Variants in WNT9B observed in about 807,000 individuals in gnomAD.
WNT9B encodes the protein protein Wnt-9b.
WNT9B carries 12 observed loss-of-function variants against 30.2 expected under a neutral mutation model. That is an observed-to-expected ratio of 0.40 (90% CI 0.26 to 0.64). The LOEUF is 0.64. WNT9B is among the 30% of genes least tolerant of loss of function. The pLI is 0.42. For missense variants in WNT9B, 442 were observed against 485.2 expected (o/e 0.91, Z 0.84); for synonymous variants, 218 against 216.9 (o/e 1.01, Z -0.05).
chr17:46,846,536 A>G (rs2084777970), intron 1 of WNT9B, among the ~76,000 whole-genome samples: 2 of 152,368 alleles, frequency 1.3e-5, no homozygotes, highest in Non-Finnish European at 2.9e-5. Context: ...AAGGTTGTAG[A>G]ACCAATGTGG....
chr17:46,871,431 A>G (rs971165451), intron 1 of WNT9B, among the ~76,000 whole-genome samples: 9 of 152,194 alleles, frequency 5.9e-5, no homozygotes, highest in Non-Finnish European at 1.3e-4. Context: ...CTGTTGTATG[A>G]CCAGTCCAGT....
At chr17:46,834,090 G>T (rs1450866736) in intron 1 of WNT9B, among the ~76,000 whole-genome samples, 1 of 152,192 alleles carries the variant, frequency 6.6e-6, no homozygotes, top group Non-Finnish European at 1.5e-5. Context: ...AGCTACTCGG[G>T]AGGCTGAGGG....
intron 1 of WNT9B, among the ~76,000 whole-genome samples, chr17:46,852,056 C>T (rs953762743): frequency 6.6e-6 from 1 of 152,364 alleles, no homozygotes; most frequent in South Asian, 2.1e-4. Context: ...GTCAGTCCCG[C>T]TCTCTGATGC....
chr17:46,865,382 G>C (rs2085115502), intron 1 of WNT9B, among the ~76,000 whole-genome samples: 1 of 152,146 alleles, frequency 6.6e-6, no homozygotes, highest in South Asian at 2.1e-4. Context: ...CCTACAGCTG[G>C]ACCCGGCTCT....
At chr17:46,833,481 T>C (rs1382441090) in intron 1 of WNT9B, 2 of 479,438 alleles carry the variant, frequency 4.2e-6, no homozygotes, top group South Asian at 3.0e-5. Flanking sequence ...CCACCCCGAC[T>C]CCCCATCTGG....
At chr17:46,870,772 G>A (rs2085228527) in intron 1 of WNT9B, among the ~76,000 whole-genome samples, 2 of 152,206 alleles carry the variant, frequency 1.3e-5, no homozygotes, top group Non-Finnish European at 2.9e-5. Context: ...CCTTGGCTCA[G>A]AGGAACATGG....
At chr17:46,873,958 C>T (rs1020367249) in intron 2 of WNT9B, among the ~76,000 whole-genome samples, 1 of 148,074 alleles carries the variant, frequency 6.8e-6, no homozygotes, top group African/African-American at 2.5e-5. Context: ...CACTGCACTC[C>T]AGCCTGGGAG....
In WNT9B at chr17:46,876,333, C is replaced by G. The variant is rs765555952; in HGVS notation, c.689C>G (p.Pro230Arg). Reference protein sequence around the residue: ...AVRTCWKQLSPFRETGQVLKL... With the variant: ...AVRTCWKQLSRFRETGQVLKL... ...CGCACCTGCTGGAAGCAGCTCTCCC[C>G]GTTCCGTGAGACGGGCCAGGTGCTG... is the stretch of plus-strand genomic sequence containing the variant. The change falls in exon 4 of 4, where the codon CCG (proline) becomes CGG (arginine). Residue 230 changes from proline (P) to arginine (R), a missense_variant. Coordinates refer to ENST00000290015, the MANE Select transcript of WNT9B (RefSeq NM_003396.3). 1.9e-6 allele frequency: 3 copies of G among 1,614,056 alleles called. No individual in the cohort carries two copies. The highest frequency in any genetic ancestry group is 8.5e-7 in the Non-Finnish European group (1 of 1,180,050).
rs1294963872 is a variant in WNT9B at position 46,878,627 on chromosome 17, C to T, written c.*1909C>T. On this transcript the variant is annotated 3_prime_UTR_variant, in exon 4 of 4. Coordinates refer to ENST00000290015, the MANE Select transcript of WNT9B (RefSeq NM_003396.3). ...GGAGATTTTCTCTGCCTTCCCAATC[C>T]ATCTTGCTCCTCCGAGACCCCAACT... 1.3e-5 allele frequency among the ~76,000 whole-genome samples: 2 copies of T among 152,192 alleles called. No individual in the cohort carries two copies. The highest frequency in any genetic ancestry group is 2.9e-5 in the Non-Finnish European group (2 of 68,020).
chr17:46,834,261 C>T (rs778685306), intron 1 of WNT9B, among the ~76,000 whole-genome samples: 3 of 152,132 alleles, frequency 2.0e-5, no homozygotes, highest in Admixed American at 6.6e-5. Context: ...GTAACCAAAA[C>T]GACGGATTTG....
intron 1 of WNT9B, among the ~76,000 whole-genome samples, chr17:46,844,261 C>A (rs1261421671): frequency 6.7e-6 from 1 of 148,956 alleles, no homozygotes; most frequent in South Asian, 2.1e-4. Flanking sequence ...CCAGCCTATA[C>A]TTTATATAAA....
chr17:46,866,011 G>A (rs2146581837), intron 1 of WNT9B, among the ~76,000 whole-genome samples: 1 of 152,260 alleles, frequency 6.6e-6, no homozygotes, highest in African/African-American at 2.4e-5. Context: ...GGAGAGAGTT[G>A]GGCATAAAGG....
At chr17:46,882,523 C>T (rs1163224097), downstream of WNT9B, among the ~76,000 whole-genome samples, 1 of 152,058 alleles carries the variant, frequency 6.6e-6, no homozygotes, top group Non-Finnish European at 1.5e-5. Context: ...GCAACCTCCA[C>T]CTCCTAGGTT....
downstream of WNT9B, among the ~76,000 whole-genome samples, chr17:46,881,710 A>C (rs761601943): frequency 2.6e-5 from 4 of 152,148 alleles, no homozygotes; most frequent in Non-Finnish European, 4.4e-5. Context: ...GCTTGTTGAG[A>C]CAGTCACTAG....
chr17:46,845,166 G>A (rs2084761208), intron 1 of WNT9B, among the ~76,000 whole-genome samples: 1 of 152,084 alleles, frequency 6.6e-6, no homozygotes, highest in African/African-American at 2.4e-5. Flanking sequence ...TCCTTCTTTT[G>A]AGCAGTATCC....
upstream of WNT9B, among the ~76,000 whole-genome samples, chr17:46,847,967 A>AGTGTGTGTGTGTGTGTGTGT (rs57125736): frequency 2.0e-5 from 3 of 149,584 alleles, no homozygotes; most frequent in African/African-American, 7.4e-5. Flanking sequence ...TGATTTCCAA[A>AGTGTGTGTGTGTGTGTGTGT]GTGTGTGTGT....
At chr17:46,856,421 A>C (rs2084939533) in intron 1 of WNT9B, among the ~76,000 whole-genome samples, 1 of 152,154 alleles carries the variant, frequency 6.6e-6, no homozygotes, top group South Asian at 2.1e-4. Context: ...CATTGGAGAA[A>C]CAAAACATAA....
chr17:46,880,819 A>G (rs1254650981), downstream of WNT9B, among the ~76,000 whole-genome samples: 1 of 152,128 alleles, frequency 6.6e-6, no homozygotes, highest in Non-Finnish European at 1.5e-5. Context: ...GAAATAATCC[A>G]TCCTGGATTA....
intron 1 of WNT9B, among the ~76,000 whole-genome samples, chr17:46,842,094 C>T (rs2084722534): frequency 6.6e-6 from 1 of 152,248 alleles, no homozygotes; most frequent in Non-Finnish European, 1.5e-5. Flanking sequence ...TCCTCTCCCA[C>T]CACTTGCCTT....
Sources: allele counts gnomAD v4.1 joint callset (sites outside exome capture counted in the v4.1 genomes callset), GRCh38; gene constraint gnomAD v4.1.1; transcripts MANE v1.5; gene names NCBI Gene and HGNC (gene_info 2026-07-23, HGNC 2026-07-21).